The following STRADB variants were observed in gnomAD, a reference collection of about 807,000 sequenced individuals.
STRADB encodes the protein STE20-related kinase adapter protein beta.
Under a neutral mutation model 52.1 loss-of-function variants are expected in STRADB, and 34 were observed. That is an observed-to-expected ratio of 0.65 (90% CI 0.50 to 0.87). The LOEUF (loss-of-function observed/expected upper bound fraction) is 0.87, where lower values mean the gene tolerates loss of function less well. Ranked by LOEUF, STRADB falls within the 40% of genes least tolerant of loss-of-function variation. STRADB has a pLI of 0.00. For synonymous variants in STRADB, 133 were observed against 174.5 expected (o/e 0.76, Z 1.87); for missense variants, 340 against 483.9 (o/e 0.70, Z 2.79).
At chr2:201,456,500 C>T (rs147913106) in intron 2 of STRADB, among the ~76,000 whole-genome samples, 2 of 152,098 alleles carry the variant, frequency 1.3e-5, no homozygotes, top group African/African-American at 4.8e-5. Flanking sequence ...TGATTTATAT[C>T]GTTAATGATT....
At chr2:201,461,808 G>A (rs1341368231) in intron 3 of STRADB, among the ~76,000 whole-genome samples, 2 of 152,102 alleles carry the variant, frequency 1.3e-5, no homozygotes, top group African/African-American at 2.4e-5. Context: ...TGATTTCATA[G>A]TTTGAGGTCT....
chr2:201,465,421 A>C (rs1247484573), intron 3 of STRADB, among the ~76,000 whole-genome samples: 1 of 152,136 alleles, frequency 6.6e-6, no homozygotes, highest in Non-Finnish European at 1.5e-5. Flanking sequence ...TGGGGGCCTC[A>C]GGACTCTGCC....
At chr2:201,468,966 A>G (rs564927579) in intron 3 of STRADB, among the ~76,000 whole-genome samples, 5 of 152,350 alleles carry the variant, frequency 3.3e-5, no homozygotes, top group South Asian at 2.1e-4. Context: ...ATTATTTCCA[A>G]TCGTATAGTA....
At chr2:201,475,475 T>C in intron 6 of STRADB, 144 bp from the exon 7 acceptor site, 1 of 865,926 alleles carries the variant, frequency 1.2e-6, no homozygotes, top group Non-Finnish European at 1.8e-6. Context: ...AAGAAAATCA[T>C]GTTTGTGTGG....
intron 3 of STRADB, among the ~76,000 whole-genome samples, chr2:201,467,116 C>T (rs958146728): frequency 3.3e-5 from 5 of 152,152 alleles, no homozygotes; most frequent in Admixed American, 2.0e-4. Flanking sequence ...AAGCTCATTA[C>T]AAACCCAGTC....
At chr2:201,471,900 A>C (rs1024492765) in intron 4 of STRADB, among the ~76,000 whole-genome samples, 2 of 152,320 alleles carry the variant, frequency 1.3e-5, no homozygotes, top group East Asian at 1.9e-4. Flanking sequence ...GAGTCACTGC[A>C]TACATCCAGG....
At chr2:201,458,259 A>T (rs182043882) in intron 2 of STRADB, among the ~76,000 whole-genome samples, 64 of 152,356 alleles carry the variant, frequency 4.2e-4, no homozygotes, top group Admixed American at 2.1e-3. Flanking sequence ...TTGCGATAAT[A>T]AAAGTAAGTC....
chr2:201,458,039 G>T (rs1305854362), intron 2 of STRADB, among the ~76,000 whole-genome samples: 2 of 152,064 alleles, frequency 1.3e-5, no homozygotes, highest in Middle Eastern at 3.4e-3. Flanking sequence ...AAAAAAGAAA[G>T]AAATTTTTTC....
intron 3 of STRADB, among the ~76,000 whole-genome samples, chr2:201,463,976 T>C (rs1440129837): frequency 6.6e-6 from 1 of 152,174 alleles, no homozygotes; most frequent in Non-Finnish European, 1.5e-5. Flanking sequence ...GATTCTGAAT[T>C]CCTTCTCTGT....
chr2:201,459,581 A>G (rs892794344), intron 3 of STRADB, among the ~76,000 whole-genome samples: 1 of 152,122 alleles, frequency 6.6e-6, no homozygotes, highest in African/African-American at 2.4e-5. Context: ...TCACATGAGC[A>G]CTGCTACTGC....
At chr2:201,468,085 CTTTTTTT>C (rs536551120) in intron 3 of STRADB, among the ~76,000 whole-genome samples, 3,337 of 70,778 alleles carry the variant, frequency 0.047, 108 homozygotes, top group East Asian at 0.25. Context: ...TTTTTTTTTT[CTTTTTTT>C]TTTTTTTTTT....
chr2:201,475,009 C>G (rs1342864441), intron 6 of STRADB, among the ~76,000 whole-genome samples: 1 of 152,160 alleles, frequency 6.6e-6, no homozygotes, highest in Admixed American at 6.5e-5. Flanking sequence ...CTGTGTCTTC[C>G]CTTCAGCTTC....
Position 201,478,427 on chromosome 2 carries a change from C to T in STRADB, c.896C>T (p.Ser299Phe). ...ATCAGTATTTTCCCTCAATCAGAAT[C>T]CAGAATGAAAAATTCCCAGTCAGGT... ...LDISIFPQSE[S>F]RMKNSQSGVD... Residue 299 changes from serine to phenylalanine, a missense_variant, in exon 10 of 12, where the codon TCC becomes TTC. Ser to Phe is a radical substitution (Grantham distance 155). Transcript: ENST00000194530. 3 of 1,614,050 alleles carry T rather than the reference C, an allele frequency of 1.9e-6. No homozygotes were observed. Among genetic ancestry groups the T allele is most frequent in the Non-Finnish European group, 2.5e-6 (3 of 1,180,012 alleles).
chr2:201,468,410 G>C (rs1396476830), intron 3 of STRADB, among the ~76,000 whole-genome samples: 1 of 152,034 alleles, frequency 6.6e-6, no homozygotes, highest in Non-Finnish European at 1.5e-5. Flanking sequence ...CATCAAGCTT[G>C]CCCCTTTGTA....
intron 1 of STRADB, among the ~76,000 whole-genome samples, 171 bp downstream of exon 1, chr2:201,452,109 G>T (rs893291286): frequency 2.0e-5 from 3 of 151,998 alleles, no homozygotes; most frequent in Non-Finnish European, 4.4e-5. Flanking sequence ...AATGCGGCCC[G>T]AGGTGGCGAG....
rs375053648 is a variant in STRADB at position 201,460,571 on chromosome 2, C to T, written c.93+1707C>T. On this transcript the variant is annotated intron_variant, in intron 3 of 11. Transcript: ENST00000194530. Reference sequence around the variant, plus strand: ...CCTCTATTCTCTATCTCCATGAGTTCAATTGTTTTAATTTTTAGCTCCCAC... The same window carrying T: ...CCTCTATTCTCTATCTCCATGAGTTTAATTGTTTTAATTTTTAGCTCCCAC... 6.0e-4 allele frequency among the ~76,000 whole-genome samples: 92 copies of T among 152,154 alleles called. 1 individual carries two copies. Among genetic ancestry groups the T allele is most frequent in the African/African-American group, 2.0e-3 (82 of 41,528 alleles).
intron 7 of STRADB, 104 bp from the exon 8 acceptor site, chr2:201,477,515 G>T (rs1952497539): frequency 4.3e-6 from 5 of 1,162,810 alleles, no homozygotes; most frequent in South Asian, 1.5e-5. Context: ...TTTGTAAAGG[G>T]TATTTAATTT....
chr2:201,459,800 G>C (rs1457296094), intron 3 of STRADB, among the ~76,000 whole-genome samples: 1 of 152,164 alleles, frequency 6.6e-6, no homozygotes, highest in Non-Finnish European at 1.5e-5. Flanking sequence ...AGCATAATAT[G>C]AGGGCTCTTA....
intron 3 of STRADB, among the ~76,000 whole-genome samples, chr2:201,467,395 A>G (rs1349651542): frequency 1.3e-5 from 2 of 152,094 alleles, no homozygotes; most frequent in Non-Finnish European, 2.9e-5. Context: ...CTGTAGCTCA[A>G]CTACTGTCAA....
Sources: gnomAD v4.1 joint callset for allele counts (sites outside exome capture counted in the v4.1 genomes callset) on GRCh38, gnomAD v4.1.1 for gene constraint, MANE v1.5 for transcripts, NCBI Gene and HGNC (gene_info 2026-07-23, HGNC 2026-07-21) for gene names.